The following IL1RAPL2 variants were observed in gnomAD, a reference collection of about 807,000 sequenced individuals.
IL1RAPL2 encodes X-linked interleukin-1 receptor accessory protein-like 2.
A neutral mutation model predicts 44.1 loss-of-function variants in IL1RAPL2; 3 were observed. The ratio of observed to expected loss-of-function variants is 0.07; its 90% CI spans 0.03 to 0.18. The LOEUF is 0.18. IL1RAPL2 is among the 10% of genes least tolerant of loss of function. IL1RAPL2 has a pLI of 1.00. For synonymous variants in IL1RAPL2, 181 were observed against 178.8 expected (o/e 1.01, Z -0.10); for missense variants, 391 against 496.4 (o/e 0.79, Z 2.02).
intron 5 of IL1RAPL2, among the ~76,000 whole-genome samples, chrX:105,272,594 T>C (rs776757768): frequency 8.9e-6 from 1 of 112,106 alleles, no homozygotes; most frequent in South Asian, 3.7e-4. Context: ...GGCATTTGAA[T>C]ATGATGGCAA....
chrX:105,588,098 CTTAT>C (rs961661406), intron 6 of IL1RAPL2, among the ~76,000 whole-genome samples: 7 of 110,715 alleles, frequency 6.3e-5, no homozygotes, highest in Non-Finnish European at 1.3e-4. Context: ...TGATGTTATA[CTTAT>C]TTATTTTATA....
At chrX:104,620,003 T>C (rs1275505496) in intron 1 of IL1RAPL2, among the ~76,000 whole-genome samples, 1 of 110,458 alleles carries the variant, frequency 9.1e-6, no homozygotes, top group Non-Finnish European at 1.9e-5. Context: ...AGAGGAAGCA[T>C]GTATGGGGCC....
intron 2 of IL1RAPL2, among the ~76,000 whole-genome samples, chrX:104,673,179 A>G (rs1213555194): frequency 9.0e-6 from 1 of 111,593 alleles, no homozygotes; most frequent in African/African-American, 3.3e-5. Flanking sequence ...GCCCATGCCT[A>G]TGTCCTGAAT....
chrX:105,483,675 A>G (rs1275940729), intron 5 of IL1RAPL2, among the ~76,000 whole-genome samples: 1 of 111,552 alleles, frequency 9.0e-6, no homozygotes, highest in African/African-American at 3.3e-5. Flanking sequence ...GCTACATTCT[A>G]TGTTCCATTC....
chrX:104,736,479 C>G (rs980711514), intron 2 of IL1RAPL2, among the ~76,000 whole-genome samples: 1 of 111,714 alleles, frequency 9.0e-6, no homozygotes, highest in Non-Finnish European at 1.9e-5. Context: ...CTTTTCTCTC[C>G]TGTGATTTTC....
chrX:105,093,361 T>G (rs114969531), intron 2 of IL1RAPL2, among the ~76,000 whole-genome samples: 5,124 of 111,808 alleles, frequency 0.046, 274 homozygotes, highest in African/African-American at 0.16. Flanking sequence ...ACAAAGAAAT[T>G]AACATCATTT....
At chrX:105,356,030 G>A (rs148189336) in intron 5 of IL1RAPL2, among the ~76,000 whole-genome samples, 36 of 111,049 alleles carry the variant, frequency 3.2e-4, no homozygotes, top group African/African-American at 1.1e-3. Context: ...AATACTCTAT[G>A]GTTTCATCAA....
chrX:104,986,685 A>G (rs770752639), intron 2 of IL1RAPL2, among the ~76,000 whole-genome samples: 1 of 112,402 alleles, frequency 8.9e-6, no homozygotes, highest in South Asian at 3.7e-4. Context: ...TAAGTAATAT[A>G]AGTTGAATAA....
intron 2 of IL1RAPL2, among the ~76,000 whole-genome samples, chrX:105,123,403 T>A (rs1672816159): frequency 9.0e-6 from 1 of 111,479 alleles, no homozygotes; most frequent in Admixed American, 9.6e-5. Flanking sequence ...GATTCAGTTC[T>A]TATTTGAACC....
chrX:104,721,489 T>G (rs1256110371), intron 2 of IL1RAPL2, among the ~76,000 whole-genome samples: 1 of 109,997 alleles, frequency 9.1e-6, no homozygotes, highest in East Asian at 2.9e-4. Context: ...TGAGAACACA[T>G]GGACACAGGG....
At chrX:105,576,105 T>C (rs990471262) in intron 6 of IL1RAPL2, among the ~76,000 whole-genome samples, 3 of 111,632 alleles carry the variant, frequency 2.7e-5, no homozygotes, top group African/African-American at 9.8e-5. Flanking sequence ...TTTTATCTTA[T>C]ATTGAAGGTT....
intron 2 of IL1RAPL2, among the ~76,000 whole-genome samples, chrX:105,058,918 T>A (rs1228532600): frequency 9.0e-6 from 1 of 111,567 alleles, no homozygotes. Context: ...AGTTAACCCT[T>A]GAACAACATG....
chrX:105,035,186 C>A (rs1169480309), intron 2 of IL1RAPL2, among the ~76,000 whole-genome samples: 3 of 111,954 alleles, frequency 2.7e-5, no homozygotes, highest in Non-Finnish European at 5.6e-5. Context: ...ACCCCTTGCA[C>A]TTCCCGAGTG....
At chrX:104,666,766 G>A (rs1353314469) in intron 2 of IL1RAPL2, among the ~76,000 whole-genome samples, 1 of 111,361 alleles carries the variant, frequency 9.0e-6, no homozygotes, top group African/African-American at 3.3e-5. Flanking sequence ...TGCCCTAAAC[G>A]AAGTATGTGC....
intron 1 of IL1RAPL2, among the ~76,000 whole-genome samples, chrX:104,654,445 GA>G (rs1015261830): frequency 1.0e-4 from 11 of 108,110 alleles, no homozygotes; most frequent in Middle Eastern, 4.7e-3. Flanking sequence ...ACACCGTGGG[GA>G]AAAAAAAATG....
chrX:105,293,272 G>A (rs1416852864), intron 5 of IL1RAPL2, among the ~76,000 whole-genome samples: 8 of 111,627 alleles, frequency 7.2e-5, no homozygotes, highest in Non-Finnish European at 7.5e-5. Flanking sequence ...GGCAGTGTTC[G>A]TGCAACTGTC....
At chrX:104,808,152 C>T (rs1932936336) in intron 2 of IL1RAPL2, among the ~76,000 whole-genome samples, 1 of 112,245 alleles carries the variant, frequency 8.9e-6, no homozygotes, top group African/African-American at 3.2e-5. Flanking sequence ...TAGATGTTTA[C>T]TTATTAGGAA....
chrX:104,746,594 A>G (rs1051763702), intron 2 of IL1RAPL2, among the ~76,000 whole-genome samples: 1 of 111,661 alleles, frequency 9.0e-6, no homozygotes, highest in Admixed American at 9.5e-5. Flanking sequence ...TGTCTCTTAC[A>G]ATTTGTAGTT....
chrX:105,378,814 C>G (rs1295039172), intron 5 of IL1RAPL2, among the ~76,000 whole-genome samples: 2 of 111,859 alleles, frequency 1.8e-5, no homozygotes, highest in Non-Finnish European at 3.8e-5. Context: ...AAAAATGCAT[C>G]AGCTTTTCAA....
Sources: gnomAD v4.1 joint callset for allele counts (sites outside exome capture counted in the v4.1 genomes callset) on GRCh38, gnomAD v4.1.1 for gene constraint, MANE v1.5 for transcripts, NCBI Gene and HGNC (gene_info 2026-07-23, HGNC 2026-07-21) for gene names.